Variants in MLIP observed in about 807,000 individuals in gnomAD.
MLIP encodes muscular LMNA-interacting protein.
A neutral mutation model predicts 84.8 loss-of-function variants in MLIP; 79 were observed. That is an observed-to-expected ratio of 0.93 (90% CI 0.78 to 1.12). MLIP has a LOEUF of 1.12. MLIP is among the 50% of genes most tolerant of loss of function. The pLI is 0.00. For missense variants in MLIP, 1,257 were observed against 1,160.6 expected (o/e 1.08, Z -1.21); for synonymous variants, 504 against 463.0 (o/e 1.09, Z -1.14).
At chr6:54,202,655 A>G (rs1326083822) in intron 11 of MLIP, among the ~76,000 whole-genome samples, 4 of 152,048 alleles carry the variant, frequency 2.6e-5, no homozygotes, top group Non-Finnish European at 5.9e-5. Context: ...CACTTTGGGA[A>G]GCCAAGGCAG....
chr6:54,086,658 A>G (rs919853921), intron 1 of MLIP, among the ~76,000 whole-genome samples: 1 of 152,224 alleles, frequency 6.6e-6, no homozygotes, highest in Non-Finnish European at 1.5e-5. Context: ...CTTCTTAAGA[A>G]TCTTGCCACA....
At position 54,098,792 on chromosome 6, in the gene MLIP, C is replaced by A. The variant is rs1582136789; in HGVS notation, c.64-22655C>A. ...ATATTTATTCTGTGCCTACTATGTGCCAAATACTGTTCCAAAGGCGTATGT... is the reference window on the plus strand; with the variant it reads ...ATATTTATTCTGTGCCTACTATGTGACAAATACTGTTCCAAAGGCGTATGT... On this transcript the variant is annotated intron_variant, in intron 1 of 12. Coordinates refer to the MLIP transcript ENST00000274897. Among the ~76,000 whole-genome samples, 6 of 152,164 alleles carry A rather than the reference C, an allele frequency of 3.9e-5. 1 individual carries two copies. The highest frequency in any genetic ancestry group is 3.9e-4 in the Admixed American group (6 of 15,280).
intron 5 of MLIP, among the ~76,000 whole-genome samples, chr6:54,150,494 C>A (rs907476229): frequency 6.6e-6 from 1 of 152,096 alleles, no homozygotes; most frequent in Non-Finnish European, 1.5e-5. Flanking sequence ...TTTTGGATGG[C>A]GATTTCTGGA....
Position 54,188,018 on chromosome 6 carries a change from T to G in MLIP, c.2545-1852T>G, listed in dbSNP as rs147445747. On this transcript the variant is annotated intron_variant, in intron 9 of 13. Transcript: ENST00000502396. Reference sequence around the variant, plus strand: ...GAGACTCCGTCTCAAATTAAAAAAATGTATATACATTAACCTAGTTGGTAT... The same window carrying G: ...GAGACTCCGTCTCAAATTAAAAAAAGGTATATACATTAACCTAGTTGGTAT... 5.8e-4 allele frequency among the ~76,000 whole-genome samples: 89 copies of G among 152,192 alleles called. 1 individual carries two copies. The highest frequency in any genetic ancestry group is 2.0e-3 in the African/African-American group (83 of 41,534).
chr6:54,050,132 T>C (rs1376312232), intron 1 of MLIP, among the ~76,000 whole-genome samples: 1 of 152,124 alleles, frequency 6.6e-6, no homozygotes, highest in Non-Finnish European at 1.5e-5. Context: ...GAAGCTCTAG[T>C]GTCTATTTAA....
intron 1 of MLIP, among the ~76,000 whole-genome samples, chr6:54,119,602 A>C (rs1415366317): frequency 6.6e-6 from 1 of 152,218 alleles, no homozygotes; most frequent in Non-Finnish European, 1.5e-5. Context: ...AGATAGAAGA[A>C]ATAAGTTCAC....
chr6:54,193,880 T>C (rs996736158), intron 10 of MLIP, among the ~76,000 whole-genome samples: 3 of 152,108 alleles, frequency 2.0e-5, no homozygotes, highest in African/African-American at 7.2e-5. Flanking sequence ...GCGGGGTCTT[T>C]TTCCCTGCAT....
chr6:54,118,455 T>C (rs1305243970), intron 1 of MLIP, among the ~76,000 whole-genome samples: 1 of 152,236 alleles, frequency 6.6e-6, no homozygotes, highest in Non-Finnish European at 1.5e-5. Flanking sequence ...TAAGTGGTAT[T>C]GGGAAAATGG....
At chr6:54,154,229 C>T (rs1407426260) in intron 5 of MLIP, among the ~76,000 whole-genome samples, 1 of 152,086 alleles carries the variant, frequency 6.6e-6, no homozygotes, top group Non-Finnish European at 1.5e-5. Context: ...TTTTATTCCA[C>T]AGGCTCTTAA....
At chr6:54,043,004 T>A (rs1764833111) in intron 1 of MLIP, among the ~76,000 whole-genome samples, 1 of 152,164 alleles carries the variant, frequency 6.6e-6, no homozygotes, top group South Asian at 2.1e-4. Flanking sequence ...CACAGTTGTG[T>A]CTGTTTAGGA....
chr6:54,082,963 G>A (rs1176091878), intron 1 of MLIP, among the ~76,000 whole-genome samples: 5 of 152,106 alleles, frequency 3.3e-5, no homozygotes, highest in Non-Finnish European at 5.9e-5. Context: ...TAACTCATGT[G>A]TAATGTTTTG....
chr6:54,133,033 A>G (rs1390602754), intron 3 of MLIP, among the ~76,000 whole-genome samples: 1 of 152,188 alleles, frequency 6.6e-6, no homozygotes, highest in East Asian at 1.9e-4. Flanking sequence ...AGAAACCACA[A>G]TAGCTAGAAT....
At chr6:54,181,396 G>A (rs1278778459) in intron 9 of MLIP, among the ~76,000 whole-genome samples, 1 of 32,930 alleles carries the variant, frequency 3.0e-5, no homozygotes, top group African/African-American at 7.8e-5. Context: ...CCAGGCCAGG[G>A]ACTCACCCTT....
chr6:54,254,777 C>T (rs1562113663), intron 12 of MLIP, among the ~76,000 whole-genome samples: 1 of 139,772 alleles, frequency 7.2e-6, no homozygotes, highest in Non-Finnish European at 1.5e-5. Context: ...CCCTTCCTCC[C>T]TCCCTTCCCC....
At chr6:54,117,359 C>T (rs1057047138) in intron 1 of MLIP, among the ~76,000 whole-genome samples, 2 of 151,240 alleles carry the variant, frequency 1.3e-5, no homozygotes, top group African/African-American at 2.4e-5. Flanking sequence ...GGACTACAGG[C>T]ACCCGCCACG....
intron 1 of MLIP, chr6:54,063,294 C>G (rs559764636): frequency 6.6e-6 from 1 of 152,102 alleles, no homozygotes; most frequent in South Asian, 2.1e-4. Context: ...CTCTTTTCCT[C>G]TATCACCTTG....
chr6:54,149,227 G>T, intron 5 of MLIP, 100 bp downstream of exon 5: 1 of 1,055,294 alleles, frequency 9.5e-7, no homozygotes, highest in East Asian at 2.6e-5. Flanking sequence ...TTAAAGTTCT[G>T]CCTTTACTAA....
chr6:54,202,747 AT>A (rs1233346231), intron 11 of MLIP, among the ~76,000 whole-genome samples: 2 of 152,136 alleles, frequency 1.3e-5, no homozygotes, highest in Non-Finnish European at 1.5e-5. Flanking sequence ...TAAAAAAAAT[AT>A]ATAGCTGGGT....
intron 8 of MLIP, among the ~76,000 whole-genome samples, chr6:54,163,293 A>G (rs921191674): frequency 2.0e-5 from 3 of 151,816 alleles, no homozygotes; most frequent in Non-Finnish European, 4.4e-5. Context: ...TCAGAGCAGC[A>G]TATTTCTGCA....
Sources: allele counts gnomAD v4.1 joint callset (sites outside exome capture counted in the v4.1 genomes callset), GRCh38; gene constraint gnomAD v4.1.1; transcripts MANE v1.5; gene names NCBI Gene and HGNC (gene_info 2026-07-23, HGNC 2026-07-21).